C12orf42: variants seen among roughly 807,000 people sequenced by gnomAD.
C12orf42 encodes uncharacterized protein C12orf42.
Under a neutral mutation model 21.6 loss-of-function variants are expected in C12orf42, and 25 were observed. That is an observed-to-expected ratio of 1.16 (90% CI 0.84 to 1.62). The LOEUF (loss-of-function observed/expected upper bound fraction) is 1.62, where lower values mean the gene tolerates loss of function less well. Ranked by LOEUF, C12orf42 falls within the 40% of genes most tolerant of loss-of-function variation. The probability of loss-of-function intolerance (pLI) is 0.00; values close to 1 mark genes in which losing one functional copy is unlikely to be tolerated. For missense variants in C12orf42, 483 were observed against 459.3 expected (o/e 1.05, Z -0.47); for synonymous variants, 174 against 175.0 (o/e 0.99, Z 0.05).
chr12:103,207,231 A>G, the C12orf42 span, among the ~76,000 whole-genome samples: 10 of 152,308 alleles, frequency 6.6e-5, no homozygotes. Context: ...TAGCATGATT[A>G]ACCAAAATTT....
chr12:103,502,014 G>A, the C12orf42 span, among the ~76,000 whole-genome samples: 126,425 of 152,160 alleles, frequency 0.83, 52,576 homozygotes, highest in East Asian at 0.9. Flanking sequence ...CATGGTAGGC[G>A]TTCAAAAGAT....
At chr12:103,118,243 G>A in the C12orf42 span, among the ~76,000 whole-genome samples, 1 of 152,140 alleles carries the variant, frequency 6.6e-6, no homozygotes, top group Non-Finnish European at 1.5e-5. Context: ...TCTATCTCCG[G>A]TGCCTGGTAC....
At chr12:103,097,872 A>G in the C12orf42 span, among the ~76,000 whole-genome samples, 1 of 152,220 alleles carries the variant, frequency 6.6e-6, no homozygotes, top group Non-Finnish European at 1.5e-5. Context: ...TTTTGATAAT[A>G]GTTCCATATC....
At chr12:103,139,239 A>C in the C12orf42 span, among the ~76,000 whole-genome samples, 1 of 152,194 alleles carries the variant, frequency 6.6e-6, no homozygotes, top group South Asian at 2.1e-4. Context: ...TTATTAAACC[A>C]GATTATAATA....
chr12:103,238,562 C>T (rs1398995640), intron 10 of C12orf42, among the ~76,000 whole-genome samples: 1 of 152,134 alleles, frequency 6.6e-6, no homozygotes, highest in Non-Finnish European at 1.5e-5. Flanking sequence ...TGTAGGAGTC[C>T]CAGTGGTAAT....
At chr12:103,183,933 A>G in the C12orf42 span, among the ~76,000 whole-genome samples, 1 of 152,048 alleles carries the variant, frequency 6.6e-6, no homozygotes, top group Non-Finnish European at 1.5e-5. Context: ...TATATACTCT[A>G]TATTACAAGT....
intron 2 of C12orf42, among the ~76,000 whole-genome samples, chr12:103,441,094 T>G (rs1374067381): frequency 6.6e-6 from 1 of 152,168 alleles, no homozygotes; most frequent in Non-Finnish European, 1.5e-5. Flanking sequence ...AGCACCAACT[T>G]TACTCTGTCA....
chr12:103,392,666 T>C (rs139512947), intron 3 of C12orf42, among the ~76,000 whole-genome samples: 1 of 152,372 alleles, frequency 6.6e-6, no homozygotes, highest in East Asian at 1.9e-4. Context: ...CTGATTTCTG[T>C]ATGTTGATTT....
chr12:103,363,908 T>C (rs995118687), intron 4 of C12orf42, among the ~76,000 whole-genome samples: 4 of 152,072 alleles, frequency 2.6e-5, no homozygotes, highest in East Asian at 3.9e-4. Flanking sequence ...AGGATTTCAA[T>C]ACTCCACTGA....
chr12:103,536,451 A>G, the C12orf42 span, among the ~76,000 whole-genome samples: 1 of 152,192 alleles, frequency 6.6e-6, no homozygotes, highest in African/African-American at 2.4e-5. Context: ...AGCAATGGCC[A>G]TAAATAAGAG....
rs774671621 is a variant in C12orf42, at chr12:103,401,589, A to G, written c.147+18T>C. ...GGCACTATGGAGCAGCCCTGCACAT[A>G]ACATTCCGCTGACTCACCTTTGCAC... On this transcript the variant is annotated intron_variant, in intron 3 of 5. Coordinates refer to ENST00000548883, the MANE Select transcript of C12orf42 (RefSeq NM_198521.5). 1 of 1,612,128 alleles carries G rather than the reference A, an allele frequency of 6.2e-7. No individual in the cohort carries two copies. The highest frequency in any genetic ancestry group is 1.1e-5 in the South Asian group (1 of 90,988).
At chr12:103,137,510 C>T in the C12orf42 span, among the ~76,000 whole-genome samples, 1 of 152,164 alleles carries the variant, frequency 6.6e-6, no homozygotes, top group African/African-American at 2.4e-5. Context: ...AGTCTCACTA[C>T]TGGACATTTA....
At chr12:103,294,583 G>GAAA (rs2037091079) in intron 4 of C12orf42, among the ~76,000 whole-genome samples, 9 of 80,354 alleles carry the variant, frequency 1.1e-4, no homozygotes, top group African/African-American at 3.2e-4. Context: ...AAGGAAGGAA[G>GAAA]GAAAGAAAGA....
At chr12:103,287,030 C>T (rs994091684) in intron 4 of C12orf42, among the ~76,000 whole-genome samples, 15 of 151,608 alleles carry the variant, frequency 9.9e-5, no homozygotes, top group African/African-American at 2.7e-4. Context: ...GTTAGAATGG[C>T]GATCATTAAA....
At chr12:103,336,468 T>A (rs1016483879) in intron 4 of C12orf42, among the ~76,000 whole-genome samples, 4 of 152,206 alleles carry the variant, frequency 2.6e-5, no homozygotes, top group African/African-American at 9.7e-5. Flanking sequence ...AGTTTTCTCA[T>A]GTATTTACAA....
intron 10 of C12orf42, among the ~76,000 whole-genome samples, chr12:103,255,868 G>A (rs867522920): frequency 9.3e-5 from 14 of 150,290 alleles, no homozygotes; most frequent in Middle Eastern, 3.5e-3. Flanking sequence ...TGGCTAACAC[G>A]GTGAAACCCC....
chr12:103,409,399 G>C (rs1023054652), intron 2 of C12orf42, among the ~76,000 whole-genome samples: 2 of 152,154 alleles, frequency 1.3e-5, no homozygotes, highest in African/African-American at 4.8e-5. Flanking sequence ...TTCCACATTT[G>C]TGTCTCTCCC....
At chr12:103,501,762 C>T in the C12orf42 span, among the ~76,000 whole-genome samples, 1 of 152,252 alleles carries the variant, frequency 6.6e-6, no homozygotes, top group African/African-American at 2.4e-5. Flanking sequence ...TACACAAAAG[C>T]ACCATTTGGG....
chr12:103,342,206 C>T (rs887065555), intron 4 of C12orf42, among the ~76,000 whole-genome samples: 1 of 152,114 alleles, frequency 6.6e-6, no homozygotes, highest in African/African-American at 2.4e-5. Context: ...TTTATGGGCT[C>T]CTCAACCTTT....
Sources: allele counts gnomAD v4.1 joint callset (sites outside exome capture counted in the v4.1 genomes callset), GRCh38; gene constraint gnomAD v4.1.1; transcripts MANE v1.5; gene names NCBI Gene and HGNC (gene_info 2026-07-23, HGNC 2026-07-21).